The following ATP6V0A4 variants were observed in gnomAD, a reference collection of about 807,000 sequenced individuals.
The protein encoded by ATP6V0A4 is ATPase H+ transporting V0 subunit a4.
A neutral mutation model predicts 107.3 loss-of-function variants in ATP6V0A4; 86 were observed. The ratio of observed to expected loss-of-function variants is 0.80; its 90% CI spans 0.67 to 0.96. The LOEUF is 0.96. Ranked by LOEUF, ATP6V0A4 falls within the 40% of genes least tolerant of loss-of-function variation. The probability of loss-of-function intolerance (pLI) is 0.00; values close to 1 mark genes in which losing one functional copy is unlikely to be tolerated. For missense variants in ATP6V0A4, 908 were observed against 1,045.6 expected (o/e 0.87, Z 1.81); for synonymous variants, 353 against 381.4 (o/e 0.93, Z 0.87).
chr7:138,740,162 G>A (rs998015843), intron 14 of ATP6V0A4, among the ~76,000 whole-genome samples: 4 of 151,610 alleles, frequency 2.6e-5, no homozygotes, highest in African/African-American at 9.7e-5. Context: ...AAAAGGAAGG[G>A]AGATCAGGAT....
chr7:138,715,697 T>C, intron 20 of ATP6V0A4, 67 bp downstream of exon 20: 1 of 1,570,134 alleles, frequency 6.4e-7, no homozygotes, highest in East Asian at 2.3e-5. Flanking sequence ...TACTTCCAAA[T>C]ACATGGCACC....
intron 20 of ATP6V0A4, among the ~76,000 whole-genome samples, chr7:138,711,944 CT>C (rs1393029406): frequency 6.6e-6 from 1 of 151,946 alleles, no homozygotes; most frequent in Non-Finnish European, 1.5e-5. Context: ...CCTTTTTTTC[CT>C]TTTTCGAGAC....
chr7:138,769,599 G>A lies in ATP6V0A4; in HGVS notation c.118-348C>T, dbSNP rs527302897. On this transcript the variant is annotated intron_variant, in intron 3 of 21. Transcript: ENST00000310018. ...CAAAGTGCTGGGATTACAAGCGTGAGGCACTGCGCTAAGCCCCCTTTTGGT... is the reference window on the plus strand; with the variant it reads ...CAAAGTGCTGGGATTACAAGCGTGAAGCACTGCGCTAAGCCCCCTTTTGGT... Among the ~76,000 whole-genome samples, 5 of 152,226 alleles carry A rather than the reference G, an allele frequency of 3.3e-5. No homozygotes were observed. The East Asian group carries it at 9.7e-4, about 29-fold the overall frequency.
At chr7:138,723,523 C>CTTTTTTTTTT (rs10528520) in intron 18 of ATP6V0A4, among the ~76,000 whole-genome samples, 33 of 128,214 alleles carry the variant, frequency 2.6e-4, no homozygotes, top group Non-Finnish European at 3.6e-4. Context: ...TCTTTCTTTT[C>CTTTTTTTTTT]TTTTTTTTTT....
intron 4 of ATP6V0A4, 92 bp downstream of exon 4, chr7:138,769,081 G>C: frequency 6.3e-7 from 1 of 1,593,162 alleles, no homozygotes; most frequent in Non-Finnish European, 8.5e-7. Context: ...TTGCAAATAG[G>C]GACACATTTG....
chr7:138,709,851 T>C, intron 20 of ATP6V0A4, 56 bp from the exon 21 acceptor site: 1 of 1,585,424 alleles, frequency 6.3e-7, no homozygotes, highest in South Asian at 1.1e-5. Context: ...TGTTATTTAT[T>C]GTATTTTCTC....
chr7:138,734,594 T>C (rs1040281508), intron 15 of ATP6V0A4, among the ~76,000 whole-genome samples: 2 of 151,896 alleles, frequency 1.3e-5, no homozygotes, highest in African/African-American at 2.4e-5. Context: ...CTGGTCAACC[T>C]GGCGAAACCC....
intron 21 of ATP6V0A4, among the ~76,000 whole-genome samples, chr7:138,707,773 T>C (rs1803522113): frequency 6.6e-6 from 1 of 150,586 alleles, no homozygotes; most frequent in Non-Finnish European, 1.5e-5. Context: ...CTCCCCTTCA[T>C]TTCCTCCAGG....
intron 19 of ATP6V0A4, among the ~76,000 whole-genome samples, chr7:138,717,908 G>GAA (rs1804130964): frequency 2.7e-5 from 2 of 73,004 alleles, no homozygotes. Context: ...ACTCTGTCTC[G>GAA]GAAAAAAAAA....
chr7:138,726,477 C>T (rs1270450384), intron 18 of ATP6V0A4, among the ~76,000 whole-genome samples: 2 of 152,204 alleles, frequency 1.3e-5, no homozygotes, highest in Non-Finnish European at 2.9e-5. Context: ...ACCAGGGCCA[C>T]GCCACAGGCG....
intron 17 of ATP6V0A4, among the ~76,000 whole-genome samples, chr7:138,730,009 A>G (rs1804908874): frequency 6.6e-6 from 1 of 152,024 alleles, no homozygotes; most frequent in Non-Finnish European, 1.5e-5. Context: ...TCAGCCTCCC[A>G]AGTAGCTGGG....
chr7:138,795,191 C>T (rs1312463802), intron 1 of ATP6V0A4, among the ~76,000 whole-genome samples: 8 of 152,104 alleles, frequency 5.3e-5, no homozygotes, highest in African/African-American at 9.7e-5. Context: ...CCTGAGCCAC[C>T]GTGCCTGGCC....
At chr7:138,749,706 T>A (rs1360344235) in intron 11 of ATP6V0A4, among the ~76,000 whole-genome samples, 1 of 152,006 alleles carries the variant, frequency 6.6e-6, no homozygotes, top group Non-Finnish European at 1.5e-5. Context: ...ACTTTCAAAC[T>A]CCAATGTGTC....
chr7:138,777,337 G>A (rs1407695406), intron 2 of ATP6V0A4, among the ~76,000 whole-genome samples: 9 of 151,938 alleles, frequency 5.9e-5, no homozygotes, highest in Admixed American at 1.3e-4. Context: ...TATTATGGCC[G>A]GGCGCGGTGG....
rs398006555 is a variant in ATP6V0A4, at chr7:138,758,739, A to ATTTTTTTTTT, written c.639+1003_639+1012dup. 4.7e-3 allele frequency among the ~76,000 whole-genome samples: 277 copies of ATTTTTTTTTT among 59,204 alleles called. 32 individuals are homozygous for ATTTTTTTTTT. The highest frequency in any genetic ancestry group is 0.019 in the Middle Eastern group (1 of 54). 38.8% of individuals were successfully genotyped at this position (59,204 alleles called of 152,430 possible). On this transcript the variant is annotated intron_variant, in intron 8 of 21. Transcript: ENST00000310018. ...CCCCACTCAGACCCACTGACTCAGAATTTTTTTTTTTTTTTTTTTTTTTTT... is the reference window on the plus strand; with the variant it reads ...CCCCACTCAGACCCACTGACTCAGAATTTTTTTTTTTTTTTTTTTTTTTTTTTTTTTTTTT...
intron 2 of ATP6V0A4, among the ~76,000 whole-genome samples, chr7:138,777,631 A>T (rs868726637): frequency 2.9e-4 from 35 of 119,812 alleles, no homozygotes; most frequent in Middle Eastern, 4.1e-3. Flanking sequence ...AAAAAAAAAA[A>T]ATACACACAC....
chr7:138,780,116 A>T (rs557321803), intron 2 of ATP6V0A4: 2 of 152,178 alleles, frequency 1.3e-5, no homozygotes, highest in African/African-American at 4.8e-5. Flanking sequence ...GCAGTTTCCC[A>T]TTGACCCTAA....
In ATP6V0A4 at chr7:138,721,555, C is replaced by A. The variant is rs547299299; in HGVS notation, c.2139+342G>T. On this transcript the variant is annotated intron_variant, in intron 19 of 21. Transcript: ENST00000310018. Reference sequence around the variant, plus strand: ...TCTCAAAAACAAACAAAAAAGAGAGCTTATAGGGGCGTGGTGCTGAGCCAA... The same window carrying A: ...TCTCAAAAACAAACAAAAAAGAGAGATTATAGGGGCGTGGTGCTGAGCCAA... Among the ~76,000 whole-genome samples, 5 of 152,124 alleles carry A rather than the reference C, an allele frequency of 3.3e-5. No homozygotes were observed. The East Asian group carries it at 9.7e-4, about 29-fold the overall frequency.
rs60959857 is a variant in ATP6V0A4 at position 138,784,267 on chromosome 7, C to CAT, written c.-18+1889_-18+1890dup. 1.5e-3 allele frequency among the ~76,000 whole-genome samples: 176 copies of CAT among 119,310 alleles called. 3 individuals carry two copies. The highest frequency in any genetic ancestry group is 4.6e-3 in the Middle Eastern group (1 of 218). The allele number at this position is 119,310 out of a possible 152,430, so 78.3% of individuals were successfully genotyped here. On this transcript the variant is annotated intron_variant, in intron 2 of 21. Coordinates refer to ENST00000310018, the MANE Select transcript of ATP6V0A4 (RefSeq NM_020632.3). ...ATATATATATACATATATATATATA[C>CAT]ATATATATATATACATATATATACA...
Sources: gnomAD v4.1 joint callset for allele counts (sites outside exome capture counted in the v4.1 genomes callset) on GRCh38, gnomAD v4.1.1 for gene constraint, MANE v1.5 for transcripts, NCBI Gene and HGNC (gene_info 2026-07-23, HGNC 2026-07-21) for gene names.